The following SCML4 variants were observed in gnomAD, a reference collection of about 807,000 sequenced individuals.
SCML4 encodes the protein sex comb on midleg-like protein 4.
In SCML4, 34 loss-of-function variants were observed where a neutral mutation model predicts 41.1. The observed-to-expected ratio is 0.83, with a 90% CI of 0.63 to 1.10. The LOEUF (loss-of-function observed/expected upper bound fraction) is 1.10. Ranked by LOEUF, SCML4 falls within the 50% of genes least tolerant of loss-of-function variation. The probability of loss-of-function intolerance (pLI) is 0.00; values close to 1 mark genes in which losing one functional copy is unlikely to be tolerated. For synonymous variants in SCML4, 214 were observed against 220.9 expected, an observed-to-expected ratio of 0.97 and a Z score of 0.28; for missense variants, 522 against 534.1, an observed-to-expected ratio of 0.98 and a Z score of 0.22.
the SCML4 span, among the ~76,000 whole-genome samples, chr6:107,835,763 C>CAA: frequency 0.038 from 3,253 of 85,546 alleles, 172 homozygotes; most frequent in Non-Finnish European, 0.044. Flanking sequence ...GACCCCATCT[C>CAA]AAAAAAAAAA....
chr6:107,758,956 C>T (rs1779323939), intron 2 of SCML4, among the ~76,000 whole-genome samples: 1 of 152,010 alleles, frequency 6.6e-6, no homozygotes, highest in Non-Finnish European at 1.5e-5. Flanking sequence ...GGGAAACACA[C>T]AAGCTAGTTT....
intron 1 of SCML4, among the ~76,000 whole-genome samples, chr6:107,789,410 C>T (rs535765367): frequency 1.3e-5 from 2 of 152,196 alleles, no homozygotes; most frequent in Admixed American, 6.5e-5. Context: ...TCCCCACTGC[C>T]CCGCATAAAC....
At chr6:107,721,981 A>AGT (rs1775469409) in intron 5 of SCML4, among the ~76,000 whole-genome samples, 1 of 93,750 alleles carries the variant, frequency 1.1e-5, no homozygotes, top group Non-Finnish European at 2.4e-5. Context: ...GACTTATCAT[A>AGT]CTTTTTTTTT....
At chr6:107,728,867 G>A (rs956619279) in intron 5 of SCML4, among the ~76,000 whole-genome samples, 8 of 152,180 alleles carry the variant, frequency 5.3e-5, no homozygotes, top group Non-Finnish European at 8.8e-5. Context: ...GGGTGGCCGC[G>A]AGTGAACAGC....
At chr6:107,708,600 AAAG>A (rs1171480738) in intron 6 of SCML4, among the ~76,000 whole-genome samples, 1 of 152,148 alleles carries the variant, frequency 6.6e-6, no homozygotes, top group African/African-American at 2.4e-5. Context: ...ACACATGCAG[AAAG>A]AAGATGTCCC....
At chr6:107,825,936 C>CAA (rs71015515), upstream of SCML4, among the ~76,000 whole-genome samples, 13,686 of 62,186 alleles carry the variant, frequency 0.22, 2,453 homozygotes, top group African/African-American at 0.52. Context: ...GACTCCATCT[C>CAA]AAAAAAAAAA....
the SCML4 span, among the ~76,000 whole-genome samples, chr6:107,837,405 G>T: frequency 6.6e-6 from 1 of 152,152 alleles, no homozygotes; most frequent in Non-Finnish European, 1.5e-5. Flanking sequence ...AGGCATTATG[G>T]TCCCTGACCC....
intron 5 of SCML4, among the ~76,000 whole-genome samples, chr6:107,727,891 C>A (rs777002816): frequency 2.6e-5 from 4 of 152,164 alleles, no homozygotes; most frequent in Non-Finnish European, 5.9e-5. Context: ...CTTTTTGTGT[C>A]CCACATGTCA....
intron 2 of SCML4, among the ~76,000 whole-genome samples, chr6:107,769,813 C>T (rs1402469258): frequency 6.6e-6 from 1 of 151,990 alleles, no homozygotes; most frequent in Non-Finnish European, 1.5e-5. Context: ...CCAAAAATAC[C>T]TTCCCCTCCA....
chr6:107,842,188 G>C, the SCML4 span, among the ~76,000 whole-genome samples: 2 of 152,042 alleles, frequency 1.3e-5, no homozygotes, highest in Non-Finnish European at 2.9e-5. Flanking sequence ...GGATTATATG[G>C]AAGTGTGTTG....
At chr6:107,784,362 T>C (rs548849820) in intron 1 of SCML4, among the ~76,000 whole-genome samples, 3 of 152,132 alleles carry the variant, frequency 2.0e-5, no homozygotes, top group Non-Finnish European at 2.9e-5. Flanking sequence ...AGCAGAATCA[T>C]GGATAAAAGA....
chr6:107,834,787 A>G, the SCML4 span, among the ~76,000 whole-genome samples: 9 of 152,182 alleles, frequency 5.9e-5, no homozygotes, highest in African/African-American at 2.2e-4. Flanking sequence ...TCTAGAAAAT[A>G]TACAAAAATT....
At chr6:107,795,856 A>C (rs527524912) in intron 1 of SCML4, among the ~76,000 whole-genome samples, 1 of 152,306 alleles carries the variant, frequency 6.6e-6, no homozygotes, top group East Asian at 1.9e-4. Flanking sequence ...CTTCTCTGTC[A>C]GTCCTACTCT....
intron 1 of SCML4, among the ~76,000 whole-genome samples, chr6:107,773,874 G>A (rs6916494): frequency 0.43 from 65,430 of 152,124 alleles, 16,183 homozygotes; most frequent in East Asian, 0.72. Flanking sequence ...GATGGGCACA[G>A]TCCCTACACC....
At chr6:107,707,744 G>A in intron 7 of SCML4, 122 bp downstream of exon 7, 10 of 1,250,164 alleles carry the variant, frequency 8.0e-6, no homozygotes, top group Non-Finnish European at 1.0e-5. Flanking sequence ...TGCCCCTAGG[G>A]CTTAGTTTAG....
chr6:107,728,545 G>A (rs1403724447), intron 5 of SCML4, among the ~76,000 whole-genome samples: 5 of 152,166 alleles, frequency 3.3e-5, no homozygotes, highest in African/African-American at 1.2e-4. Context: ...GGAGGTGGAG[G>A]TTGCAGTGAG....
chr6:107,749,554 G>T, intron 3 of SCML4, 130 bp downstream of exon 3: 1 of 1,042,002 alleles, frequency 9.6e-7, no homozygotes, highest in Non-Finnish European at 1.5e-6. Flanking sequence ...CTGCTGCCTA[G>T]CTAGCACACT....
chr6:107,751,616 T>TCTCTCTCTCTCTCTCTC (rs1562218800), intron 2 of SCML4, among the ~76,000 whole-genome samples: 3 of 147,694 alleles, frequency 2.0e-5, no homozygotes, highest in East Asian at 4.3e-4. Flanking sequence ...CTTTCTTTCT[T>TCTCTCTCTCTCTCTCTC]TCTTTCTTTC....
intron 5 of SCML4, among the ~76,000 whole-genome samples, chr6:107,744,697 A>T (rs890722878): frequency 6.6e-6 from 1 of 152,138 alleles, no homozygotes; most frequent in African/African-American, 2.4e-5. Context: ...AATAATATAG[A>T]CCTAAAAGTT....
Sources: gnomAD v4.1 joint callset for allele counts (sites outside exome capture counted in the v4.1 genomes callset) on GRCh38, gnomAD v4.1.1 for gene constraint, MANE v1.5 for transcripts, NCBI Gene and HGNC (gene_info 2026-07-23, HGNC 2026-07-21) for gene names.